ADGRL2: variants seen among roughly 807,000 people sequenced by gnomAD.
ADGRL2 encodes the protein calcium-independent alpha-latrotoxin receptor 2.
A neutral mutation model predicts 157.4 loss-of-function variants in ADGRL2; 44 were observed. The observed-to-expected ratio is 0.28, with a 90% CI of 0.22 to 0.36. The LOEUF is 0.36. Ranked by LOEUF, ADGRL2 falls within the 10% of genes least tolerant of loss-of-function variation. ADGRL2 has a pLI of 1.00. For synonymous variants in ADGRL2, 585 were observed against 624.7 expected, an observed-to-expected ratio of 0.94 and a Z score of 0.95; for missense variants, 1,510 against 1,768.9, an observed-to-expected ratio of 0.85 and a Z score of 2.63.
intron 6 of ADGRL2, among the ~76,000 whole-genome samples, chr1:81,949,432 T>G (rs1002828186): frequency 3.9e-5 from 6 of 152,244 alleles, no homozygotes; most frequent in Non-Finnish European, 8.8e-5. Context: ...ATAGTTCTTT[T>G]AAATTCTCTG....
chr1:81,880,999 T>C (rs1013056809), intron 2 of ADGRL2, among the ~76,000 whole-genome samples: 13 of 152,276 alleles, frequency 8.5e-5, no homozygotes, highest in Middle Eastern at 6.8e-3. Context: ...TATATTTGTT[T>C]GAAATGCCAG....
chr1:81,965,250 GTC>G (rs1470471982), intron 11 of ADGRL2, among the ~76,000 whole-genome samples: 6 of 152,226 alleles, frequency 3.9e-5, no homozygotes, highest in African/African-American at 1.2e-4. Flanking sequence ...AGCCATGGTG[GTC>G]TCTCTCGCAA....
intron 1 of ADGRL2, among the ~76,000 whole-genome samples, chr1:81,444,113 T>A (rs1002142881): frequency 2.0e-5 from 3 of 152,220 alleles, no homozygotes; most frequent in African/African-American, 7.2e-5. Flanking sequence ...CTATTGCCAA[T>A]GTATAATAAT....
chr1:81,543,083 A>G (rs959992177), intron 2 of ADGRL2, among the ~76,000 whole-genome samples: 2 of 152,020 alleles, frequency 1.3e-5, no homozygotes, highest in South Asian at 2.1e-4. Context: ...ACTTCAAGAT[A>G]AGTTATCTAG....
chr1:81,346,592 A>G (rs1239029796), intron 1 of ADGRL2, among the ~76,000 whole-genome samples: 2 of 152,160 alleles, frequency 1.3e-5, no homozygotes, highest in Non-Finnish European at 2.9e-5. Flanking sequence ...CTGTGACTTT[A>G]TAAGTAGAGA....
At chr1:81,537,449 A>G (rs535453260) in intron 2 of ADGRL2, among the ~76,000 whole-genome samples, 17 of 151,244 alleles carry the variant, frequency 1.1e-4, no homozygotes, top group African/African-American at 3.6e-4. Context: ...ATGCCCTGCT[A>G]ATTTTGTATT....
At chr1:81,793,185 A>T (rs899752936) in intron 2 of ADGRL2, among the ~76,000 whole-genome samples, 12 of 152,120 alleles carry the variant, frequency 7.9e-5, no homozygotes, top group Admixed American at 7.2e-4. Flanking sequence ...TTTATAATTA[A>T]AAACAAGAAA....
chr1:81,528,736 T>C (rs1230076577), intron 2 of ADGRL2, among the ~76,000 whole-genome samples: 2 of 150,416 alleles, frequency 1.3e-5, no homozygotes, highest in Non-Finnish European at 2.9e-5. Context: ...TTTCCTGGCA[T>C]ATAATAAAGA....
chr1:81,524,682 A>G (rs745507422), intron 2 of ADGRL2, among the ~76,000 whole-genome samples: 1 of 152,188 alleles, frequency 6.6e-6, no homozygotes, highest in Non-Finnish European at 1.5e-5. Context: ...AACAACAACA[A>G]CCAAAAAAAC....
At chr1:81,895,781 C>A (rs1048578211) in intron 2 of ADGRL2, among the ~76,000 whole-genome samples, 45 of 152,076 alleles carry the variant, frequency 3.0e-4, no homozygotes, top group African/African-American at 1.0e-3. Context: ...TTAAATACAA[C>A]AACGTATTAA....
At chr1:81,952,284 G>A in intron 9 of ADGRL2, 142 bp downstream of exon 9, 1 of 589,362 alleles carries the variant, frequency 1.7e-6, no homozygotes, top group Non-Finnish European at 2.8e-6. Context: ...TTTTTCCAAG[G>A]AAGAATTACA....
intron 2 of ADGRL2, among the ~76,000 whole-genome samples, chr1:81,529,368 G>A (rs1016889854): frequency 1.3e-5 from 2 of 152,236 alleles, no homozygotes; most frequent in African/African-American, 4.8e-5. Flanking sequence ...CAGGAGAATA[G>A]GATAAAGTTG....
Position 81,991,464 on chromosome 1 carries a change from G to A in ADGRL2, c.*319G>A, listed in dbSNP as rs1262252041. ...AAAACTTTCCAGCCATTTTACTGCAGCAGTCTGTGAACTAAATTTGTAAAT... is the reference window on the plus strand; with the variant it reads ...AAAACTTTCCAGCCATTTTACTGCAACAGTCTGTGAACTAAATTTGTAAAT... On this transcript the variant is annotated 3_prime_UTR_variant, in exon 24 of 24. Transcript: ENST00000686636. The A allele has an allele frequency of 4.9e-6, 1 of 204,678 alleles. No homozygotes were observed. The highest frequency in any genetic ancestry group is 2.3e-5 in the African/African-American group (1 of 43,384). The allele number at this position is 204,678 out of a possible 1,614,324, so 12.7% of individuals were successfully genotyped here.
intron 1 of ADGRL2, among the ~76,000 whole-genome samples, chr1:81,736,624 C>A (rs1302324135): frequency 2.0e-5 from 3 of 152,086 alleles, no homozygotes; most frequent in Non-Finnish European, 2.9e-5. Flanking sequence ...TCCCTTAGAT[C>A]CAGATCTCTA....
intron 2 of ADGRL2, among the ~76,000 whole-genome samples, chr1:81,538,666 A>G (rs1465127558): frequency 6.6e-6 from 1 of 152,194 alleles, no homozygotes; most frequent in Non-Finnish European, 1.5e-5. Context: ...GGATTATTGT[A>G]GATGACCTTC....
Position 81,492,109 on chromosome 1 carries a change from T to C in ADGRL2, c.-248+47020T>C, listed in dbSNP as rs538879591. ...TTAAAAAGGAGTATGTGCAATAATTTATAACTTTGTTTCTTTCTAGTAGGA... is the reference window on the plus strand; with the variant it reads ...TTAAAAAGGAGTATGTGCAATAATTCATAACTTTGTTTCTTTCTAGTAGGA... On this transcript the variant is annotated intron_variant, in intron 2 of 24. Coordinates refer to the ADGRL2 transcript ENST00000370721. Among the ~76,000 whole-genome samples, 16 of 152,332 alleles carry C rather than the reference T, an allele frequency of 1.1e-4. No individual in the cohort carries two copies. In the South Asian group the frequency reaches 2.9e-3, roughly 28 times the overall value.
chr1:81,615,804 G>A (rs186090716), intron 3 of ADGRL2, among the ~76,000 whole-genome samples: 11 of 152,298 alleles, frequency 7.2e-5, no homozygotes, highest in African/African-American at 2.4e-4. Flanking sequence ...CTATCTTCAG[G>A]AAGCTAAAAC....
At chr1:81,728,205 G>T (rs2084602946) in intron 1 of ADGRL2, among the ~76,000 whole-genome samples, 1 of 152,032 alleles carries the variant, frequency 6.6e-6, no homozygotes, top group African/African-American at 2.4e-5. Flanking sequence ...GTCCAATCAT[G>T]CTTACTTAGG....
chr1:81,884,183 G>A (rs1220722570), intron 2 of ADGRL2, among the ~76,000 whole-genome samples: 2 of 152,054 alleles, frequency 1.3e-5, no homozygotes, highest in Non-Finnish European at 2.9e-5. Context: ...ACGGGGTTTT[G>A]CCACATTACC....
Sources: gnomAD v4.1 joint callset for allele counts (sites outside exome capture counted in the v4.1 genomes callset) on GRCh38, gnomAD v4.1.1 for gene constraint, MANE v1.5 for transcripts, NCBI Gene and HGNC (gene_info 2026-07-23, HGNC 2026-07-21) for gene names.